ASPHD1: variants seen among roughly 807,000 people sequenced by gnomAD.
The protein encoded by ASPHD1 is aspartate beta-hydroxylase domain containing 1, also known as aspartate beta-hydroxylase domain-containing protein 1.
A neutral mutation model predicts 28.3 loss-of-function variants in ASPHD1; 20 were observed. The observed-to-expected ratio is 0.71, with a 90% CI of 0.50 to 1.03. The LOEUF is 1.03. Ranked by LOEUF, ASPHD1 falls within the 50% of genes least tolerant of loss-of-function variation. The pLI, the probability that ASPHD1 is intolerant of heterozygous loss-of-function variation, is 0.00. For synonymous variants in ASPHD1, 240 were observed against 221.2 expected, an observed-to-expected ratio of 1.08 and a Z score of -0.75; for missense variants, 479 against 524.1, an observed-to-expected ratio of 0.91 and a Z score of 0.84.
chr16:29,902,003 G>C (rs528066792), intron 1 of ASPHD1, 83 bp downstream of exon 1: 40 of 1,151,200 alleles, frequency 3.5e-5, no homozygotes, highest in Middle Eastern at 2.5e-4. Flanking sequence ...GCCGTCTGCT[G>C]TCTGGTTCTC....
At chr16:29,915,699 A>C (rs1172546404) in intron 3 of ASPHD1, among the ~76,000 whole-genome samples, 1 of 152,148 alleles carries the variant, frequency 6.6e-6, no homozygotes, top group African/African-American at 2.4e-5. Flanking sequence ...CTGAAAGACA[A>C]CACCTTTAAC....
downstream of ASPHD1, among the ~76,000 whole-genome samples, chr16:29,909,955 C>T (rs931485959): frequency 4.0e-5 from 6 of 151,766 alleles, no homozygotes; most frequent in African/African-American, 9.7e-5. Context: ...AAAAATTAGC[C>T]GGGCATGGAG....
chr16:29,907,680 C>T (rs188310130), downstream of ASPHD1, among the ~76,000 whole-genome samples: 3 of 151,758 alleles, frequency 2.0e-5, no homozygotes, highest in Non-Finnish European at 4.4e-5. Context: ...CCCAGCTACT[C>T]GGGAGACTGA....
chr16:29,901,307 T>TGG lies in ASPHD1; in HGVS notation c.340_341dup (p.Arg116PhefsTer31). 1 of 1,611,166 alleles carries TGG rather than the reference T, an allele frequency of 6.2e-7. No homozygotes were observed. Among genetic ancestry groups the TGG allele is most frequent in the Non-Finnish European group, 8.5e-7 (1 of 1,179,330 alleles). ...AGGCCCTAGGGGCTGGGAGCCGAGC[T>TGG]GGGGGTGTTCGTGGTGGGCCTGTGG... On this transcript the variant is annotated frameshift_variant, in exon 1 of 3. Coordinates refer to ENST00000308748, the MANE Select transcript of ASPHD1 (RefSeq NM_181718.4). LOFTEE classifies it high-confidence loss of function. This position sits in a 1 kb window ranked among gnomAD's most constrained non-coding sequence, Gnocchi z 5.1.
chr16:29,908,209 C>CA (rs1441225077), downstream of ASPHD1, among the ~76,000 whole-genome samples: 2 of 151,956 alleles, frequency 1.3e-5, no homozygotes, highest in African/African-American at 4.8e-5. Context: ...AGCTGTGGGT[C>CA]AGGAGTGCAC....
In ASPHD1 at chr16:29,901,179, C is replaced by T. The variant is rs752678469; in HGVS notation, c.208C>T (p.Pro70Ser). ...LLARASLIML[P>S]WPLPLASSAL... ...GGCCAGGGCCTCCCTGATCATGCTC[C>T]CGTGGCCACTACCCCTGGCCTCCTC... Residue 70 changes from proline (P) to serine (S), a missense_variant, in exon 1 of 3, where the codon CCG becomes TCG. By Grantham distance (74) the Pro-to-Ser change is moderately conservative. Transcript: ENST00000308748. This position sits in a 1 kb window ranked among gnomAD's most constrained non-coding sequence, Gnocchi z 5.1. 5 of 1,613,172 alleles carry T rather than the reference C, an allele frequency of 3.1e-6. No homozygotes were observed. The African/African-American group carries it at 6.7e-5, about 22-fold the overall frequency.
intron 1 of ASPHD1, among the ~76,000 whole-genome samples, chr16:29,902,890 T>TC (rs1344290274): frequency 3.7e-5 from 5 of 134,752 alleles, no homozygotes; most frequent in Non-Finnish European, 3.2e-5. Flanking sequence ...TTTCTTTTTC[T>TC]TTTTTTTTTT....
At chr16:29,909,295 G>T (rs2068664977), downstream of ASPHD1, among the ~76,000 whole-genome samples, 1 of 152,192 alleles carries the variant, frequency 6.6e-6, no homozygotes, top group South Asian at 2.1e-4. Flanking sequence ...CCCAAAGAAA[G>T]TGATGCTTAG....
intron 2 of ASPHD1, 175 bp downstream of exon 2, chr16:29,905,140 TTCA>T (rs1472591642): frequency 7.7e-5 from 42 of 544,376 alleles, no homozygotes; most frequent in Non-Finnish European, 9.1e-5. Flanking sequence ...CACCACCTTC[TTCA>T]TCAAGTAACT....
Position 29,900,527 on chromosome 16 carries a change from T to G in ASPHD1, c.-445T>G, listed in dbSNP as rs1597001293. 1 of 172,880 alleles carries G rather than the reference T, an allele frequency of 5.8e-6. No homozygotes were observed. The highest frequency in any genetic ancestry group is 1.2e-4 in the South Asian group (1 of 8,074). The allele number at this position is 172,880 out of a possible 1,614,324, so 10.7% of individuals were successfully genotyped here. Reference sequence around the variant, plus strand: ...CTGTGCCACTGGGAGGGTTCGGGGGTGGCTGAGCTGAGAGGGCTCCGGGAA... The same window carrying G: ...CTGTGCCACTGGGAGGGTTCGGGGGGGGCTGAGCTGAGAGGGCTCCGGGAA... On this transcript the variant is annotated 5_prime_UTR_variant, in exon 1 of 3. Coordinates refer to ENST00000308748, the MANE Select transcript of ASPHD1 (RefSeq NM_181718.4).
Position 29,901,637 on chromosome 16 carries a change from G to A in ASPHD1, c.666G>A (p.Arg222=). Residue 222 remains arginine (R), a synonymous_variant, in exon 1 of 3, where the codon CGG becomes CGA. Transcript: ENST00000308748. This position sits in a 1 kb window ranked among gnomAD's most constrained non-coding sequence, Gnocchi z 5.1. ...LLESSFPAIL[R]DFGAVSWDFS... ...AGAGCAGCTTCCCTGCCATTTTGCG[G>A]GACTTCGGGGCTGTGAGCTGGGACT... 6.4e-7 allele frequency: 1 copy of A among 1,571,388 alleles called. No homozygotes were observed. Among genetic ancestry groups the A allele is most frequent in the Non-Finnish European group, 8.6e-7 (1 of 1,166,778 alleles).
downstream of ASPHD1, among the ~76,000 whole-genome samples, chr16:29,908,379 T>A (rs186478731): frequency 1.3e-3 from 200 of 152,208 alleles, no homozygotes; most frequent in East Asian, 2.5e-3. Context: ...TTTAATTTTT[T>A]ATTTTTATTT....
chr16:29,910,333 G>A (rs1439769680), downstream of ASPHD1, among the ~76,000 whole-genome samples: 1 of 152,050 alleles, frequency 6.6e-6, no homozygotes, highest in Non-Finnish European at 1.5e-5. Context: ...GGGAGGTAGA[G>A]GTTGCGGTGA....
At chr16:29,916,070 C>T (rs1168563571) in intron 3 of ASPHD1, among the ~76,000 whole-genome samples, 1 of 152,098 alleles carries the variant, frequency 6.6e-6, no homozygotes, top group Admixed American at 6.6e-5. Flanking sequence ...CTAGACCATC[C>T]GTTCCTTAGG....
intron 3 of ASPHD1, chr16:29,911,718 G>A: frequency 7.5e-7 from 1 of 1,327,334 alleles, no homozygotes; most frequent in Non-Finnish European, 1.1e-6. Context: ...AGATGTTCTT[G>A]TAGGCCCCCC....
Position 29,905,851 on chromosome 16 carries a change from G to T in ASPHD1, c.1127G>T (p.Gly376Val). The T allele has an allele frequency of 6.2e-7, 1 of 1,613,732 alleles. No homozygotes were observed. Among genetic ancestry groups the T allele is most frequent in the Non-Finnish European group, 8.5e-7 (1 of 1,179,854 alleles). The change falls in exon 3 of 3, where the codon GGG (glycine) becomes GTG (valine). Residue 376 changes from glycine to valine, a missense_variant. Physicochemically the swap from Gly to Val is moderately radical, Grantham distance 109. Transcript: ENST00000308748. ...GACCTCTGGCACCCCAACGTGGCAG[G>T]GGCTGAGCGCCAGGCCCTCGACTTT... ...IVDLWHPNVA[G>V]AERQALDFVF... is the part of the protein sequence containing the mutation.
intron 3 of ASPHD1, chr16:29,915,398 T>TC (rs1597020822): frequency 6.6e-6 from 1 of 152,226 alleles, no homozygotes; most frequent in African/African-American, 2.4e-5. Context: ...ACGCCTGTAA[T>TC]CCCAGCACTT....
At chr16:29,910,684 T>C (rs550758304), downstream of ASPHD1, among the ~76,000 whole-genome samples, 1 of 152,262 alleles carries the variant, frequency 6.6e-6, no homozygotes, top group Non-Finnish European at 1.5e-5. Flanking sequence ...ATGGCAACTA[T>C]GGACCCCCTA....
Position 29,901,706 on chromosome 16 carries a change from G to A in ASPHD1, c.735G>A (p.Leu245=), listed in dbSNP as rs1459746503. The change falls in exon 1 of 3, where the codon CTG becomes CTA. Residue 245 remains leucine, a synonymous_variant. Transcript: ENST00000308748. This position sits in a 1 kb window ranked among gnomAD's most constrained non-coding sequence, Gnocchi z 5.1. ...CGCCTCGGGGCTGGTCCCCACCTCT[G>A]GCCCCCGGGTGCTACCAGCTCCTGC... ...TPPPRGWSPP[L]APGCYQLLLY... is the part of the protein sequence containing the mutation. 14 of 1,575,434 alleles carry A rather than the reference G, an allele frequency of 8.9e-6. No homozygotes were observed. In the East Asian group the frequency reaches 2.5e-4, roughly 28 times the overall value.
Sources: gnomAD v4.1 joint callset for allele counts (sites outside exome capture counted in the v4.1 genomes callset) on GRCh38, gnomAD v4.1.1 for gene constraint, Gnocchi (gnomAD v3.1) non-coding constraint, MANE v1.5 for transcripts, NCBI Gene and HGNC (gene_info 2026-07-23, HGNC 2026-07-21) for gene names.